Variants in SV2C observed in about 807,000 individuals in gnomAD.
SV2C encodes synaptic vesicle glycoprotein 2C, also known as solute carrier family 22 member B3.
Under a neutral mutation model 79.7 loss-of-function variants are expected in SV2C, and 49 were observed. The ratio of observed to expected loss-of-function variants is 0.61; its 90% CI spans 0.49 to 0.78. SV2C has a LOEUF of 0.78. SV2C is among the 30% of genes least tolerant of loss of function. The pLI, the probability that SV2C is intolerant of heterozygous loss-of-function variation, is 0.00. For synonymous variants in SV2C, 334 were observed against 333.2 expected (o/e 1.00, Z -0.03); for missense variants, 833 against 912.9 (o/e 0.91, Z 1.13).
chr5:76,085,432 T>A (rs572445500), intron 1 of SV2C, among the ~76,000 whole-genome samples: 3 of 152,338 alleles, frequency 2.0e-5, no homozygotes, highest in Admixed American at 1.3e-4. Context: ...TTCTTTTTTT[T>A]AAAGACCACT....
the SV2C span, among the ~76,000 whole-genome samples, chr5:76,028,917 G>T: frequency 6.6e-6 from 1 of 152,198 alleles, no homozygotes; most frequent in Non-Finnish European, 1.5e-5. Flanking sequence ...TATAGTTGCA[G>T]ATTAAATCTA....
At chr5:76,317,707 G>A (rs565531842) in intron 12 of SV2C, among the ~76,000 whole-genome samples, 13 of 152,260 alleles carry the variant, frequency 8.5e-5, no homozygotes, top group African/African-American at 2.9e-4. Flanking sequence ...GCACACATTT[G>A]TGGTCCTAGC....
intron 4 of SV2C, among the ~76,000 whole-genome samples, chr5:76,229,490 A>T (rs1745348755): frequency 6.6e-6 from 1 of 152,206 alleles, no homozygotes; most frequent in Non-Finnish European, 1.5e-5. Flanking sequence ...GGGGTTAGTT[A>T]CTAGGAGCCA....
intron 2 of SV2C, among the ~76,000 whole-genome samples, chr5:76,172,975 C>T (rs1743367051): frequency 8.0e-6 from 1 of 125,210 alleles, no homozygotes; most frequent in Non-Finnish European, 1.7e-5. Flanking sequence ...ATCTGCTGAC[C>T]TTCCCTCCAC....
chr5:75,910,659 C>A, the SV2C span: 2 of 1,066,468 alleles, frequency 1.9e-6, no homozygotes, highest in Non-Finnish European at 1.4e-6. Context: ...GTGCAGAATG[C>A]CAAGAAGAAA....
the SV2C span, among the ~76,000 whole-genome samples, chr5:76,014,701 C>G: frequency 6.6e-6 from 1 of 152,178 alleles, no homozygotes; most frequent in African/African-American, 2.4e-5. Context: ...CTAACATACA[C>G]TCACACACCT....
At chr5:76,343,226 T>A (rs1749477078) in intron 12 of SV2C, among the ~76,000 whole-genome samples, 1 of 152,176 alleles carries the variant, frequency 6.6e-6, no homozygotes, top group Non-Finnish European at 1.5e-5. Flanking sequence ...TGTGTATCTT[T>A]AGTAGTCATC....
At chr5:76,141,668 A>G (rs1749254352) in intron 2 of SV2C, among the ~76,000 whole-genome samples, 1 of 151,930 alleles carries the variant, frequency 6.6e-6, no homozygotes, top group South Asian at 2.1e-4. Flanking sequence ...TACTAAAAAT[A>G]CAAAAATTAG....
chr5:76,120,232 A>G lies in SV2C; in HGVS notation c.-101-11418A>G, dbSNP rs553547883. ...ATTGTATATCATGTAGCATCTCACA[A>G]ACGTGACTATATACTTATGAAAAAT... is the stretch of plus-strand genomic sequence containing the variant. On this transcript the variant is annotated intron_variant, in intron 1 of 12. Transcript: ENST00000502798. Among the ~76,000 whole-genome samples, 34 of 152,228 alleles carry G rather than the reference A, an allele frequency of 2.2e-4. No individual in the cohort carries two copies. In the South Asian group the frequency reaches 6.6e-3, roughly 30 times the overall value.
intron 4 of SV2C, among the ~76,000 whole-genome samples, chr5:76,273,683 C>T (rs775022647): frequency 3.3e-5 from 5 of 152,126 alleles, no homozygotes; most frequent in Non-Finnish European, 4.4e-5. Flanking sequence ...TAGAAAAACT[C>T]GCAGGAAAGG....
chr5:76,275,659 G>A (rs928031903), intron 4 of SV2C, among the ~76,000 whole-genome samples: 1 of 152,204 alleles, frequency 6.6e-6, no homozygotes, highest in Admixed American at 6.5e-5. Context: ...CAGACAGTCA[G>A]GCAACTGGGG....
chr5:75,921,664 T>G, the SV2C span: 1 of 656,490 alleles, frequency 1.5e-6, no homozygotes, highest in South Asian at 1.5e-5. Context: ...GGGGGCCCCC[T>G]TTTATCTGTT....
At chr5:76,171,613 G>A (rs1260845911) in intron 2 of SV2C, among the ~76,000 whole-genome samples, 2 of 145,668 alleles carry the variant, frequency 1.4e-5, no homozygotes, top group East Asian at 2.0e-4. Context: ...AGAGGTGGGG[G>A]GGGGGTCAGC....
At chr5:75,958,400 G>A in the SV2C span, among the ~76,000 whole-genome samples, 7 of 152,048 alleles carry the variant, frequency 4.6e-5, no homozygotes, top group Middle Eastern at 3.4e-3. Context: ...CCCTAAATGT[G>A]GGGGAACCTA....
intron 1 of SV2C, among the ~76,000 whole-genome samples, chr5:76,084,736 G>T (rs1345366838): frequency 6.6e-6 from 1 of 151,998 alleles, no homozygotes; most frequent in Non-Finnish European, 1.5e-5. Flanking sequence ...TCTCCGTCTG[G>T]GAGCGCGCGT....
chr5:76,257,916 GGTGTGT>G (rs775690328), intron 4 of SV2C, among the ~76,000 whole-genome samples: 5 of 120,842 alleles, frequency 4.1e-5, no homozygotes, highest in Non-Finnish European at 8.9e-5. Flanking sequence ...GGGTGTGTGT[GGTGTGT>G]GTATGTGTAT....
the SV2C span, chr5:75,911,665 T>G: frequency 1.4e-6 from 1 of 697,212 alleles, no homozygotes; most frequent in Non-Finnish European, 2.7e-6. Context: ...ACTTTGCACT[T>G]TTCCCACCTT....
At chr5:76,339,862 T>C (rs1326764339) in intron 12 of SV2C, among the ~76,000 whole-genome samples, 1 of 152,148 alleles carries the variant, frequency 6.6e-6, no homozygotes, top group Non-Finnish European at 1.5e-5. Flanking sequence ...CCATCTTGAA[T>C]AGGGGCTGGG....
chr5:76,021,659 A>G, the SV2C span, among the ~76,000 whole-genome samples: 1 of 152,248 alleles, frequency 6.6e-6, no homozygotes, highest in Non-Finnish European at 1.5e-5. Flanking sequence ...GTGTTTATCC[A>G]GTAACATCAG....
Sources: gnomAD v4.1 joint callset for allele counts (sites outside exome capture counted in the v4.1 genomes callset) on GRCh38, gnomAD v4.1.1 for gene constraint, MANE v1.5 for transcripts, NCBI Gene and HGNC (gene_info 2026-07-23, HGNC 2026-07-21) for gene names.